The following ENTREP2 variants were observed in gnomAD, a reference collection of about 807,000 sequenced individuals.
The protein encoded by ENTREP2 is protein ENTREP2.
the ENTREP2 span, among the ~76,000 whole-genome samples, chr15:29,630,640 T>A: frequency 4.6e-5 from 7 of 152,264 alleles, no homozygotes; most frequent in East Asian, 1.4e-3. Flanking sequence ...GTCCTGCAGG[T>A]TATGAGACTT....
At chr15:29,269,325 G>A in the ENTREP2 span, 4 of 1,614,218 alleles carry the variant, frequency 2.5e-6, no homozygotes, top group South Asian at 4.4e-5. Flanking sequence ...CGGCCCGTTT[G>A]AAGAGGTCGG....
the ENTREP2 span, among the ~76,000 whole-genome samples, chr15:29,180,078 C>G: frequency 6.6e-6 from 1 of 151,980 alleles, no homozygotes; most frequent in Non-Finnish European, 1.5e-5. Context: ...AAGACGGAAA[C>G]CAAGAACAGG....
At chr15:29,457,142 CT>C in the ENTREP2 span, among the ~76,000 whole-genome samples, 1 of 152,184 alleles carries the variant, frequency 6.6e-6, no homozygotes, top group Non-Finnish European at 1.5e-5. Context: ...AGGAGCACGA[CT>C]TCCCAAAGGA....
At chr15:29,631,713 T>C in the ENTREP2 span, among the ~76,000 whole-genome samples, 1 of 152,230 alleles carries the variant, frequency 6.6e-6, no homozygotes, top group Non-Finnish European at 1.5e-5. Flanking sequence ...CTTCCCCATG[T>C]CTAGCTGGGG....
chr15:29,276,718 T>C, the ENTREP2 span, among the ~76,000 whole-genome samples: 1 of 152,216 alleles, frequency 6.6e-6, no homozygotes, highest in East Asian at 1.9e-4. Context: ...ATCAGACTCC[T>C]GGAGATAATG....
At chr15:29,490,089 C>G in the ENTREP2 span, among the ~76,000 whole-genome samples, 1 of 152,156 alleles carries the variant, frequency 6.6e-6, no homozygotes, top group Non-Finnish European at 1.5e-5. Flanking sequence ...GTAAACATTT[C>G]TGTATGTGCG....
chr15:29,584,751 C>A, the ENTREP2 span, among the ~76,000 whole-genome samples: 2,874 of 152,218 alleles, frequency 0.019, 34 homozygotes, highest in Non-Finnish European at 0.029. Context: ...GTACAGCATG[C>A]TGATTATTGT....
chr15:29,536,333 A>T, the ENTREP2 span, among the ~76,000 whole-genome samples: 1 of 152,204 alleles, frequency 6.6e-6, no homozygotes, highest in Non-Finnish European at 1.5e-5. Context: ...AGATACTCTT[A>T]CCAGCAGAGC....
At chr15:29,490,414 G>C in the ENTREP2 span, among the ~76,000 whole-genome samples, 1 of 152,194 alleles carries the variant, frequency 6.6e-6, no homozygotes, top group Non-Finnish European at 1.5e-5. Flanking sequence ...AACAGTTTGC[G>C]GCTGCTGGCT....
At chr15:29,627,270 C>T in the ENTREP2 span, among the ~76,000 whole-genome samples, 1,377 of 152,154 alleles carry the variant, frequency 9.1e-3, 24 homozygotes, top group African/African-American at 0.032. Flanking sequence ...TTAGGCCAGG[C>T]GTGGTGGCTC....
the ENTREP2 span, among the ~76,000 whole-genome samples, chr15:29,128,242 C>T: frequency 6.6e-6 from 1 of 152,208 alleles, no homozygotes; most frequent in South Asian, 2.1e-4. Context: ...GGCCCTTCTG[C>T]TTTCCTGGAG....
the ENTREP2 span, among the ~76,000 whole-genome samples, chr15:29,533,027 A>G: frequency 6.6e-6 from 1 of 152,174 alleles, no homozygotes; most frequent in Non-Finnish European, 1.5e-5. Flanking sequence ...CCATGTGCTC[A>G]GTGTGTGTTC....
At chr15:29,324,411 A>G in the ENTREP2 span, among the ~76,000 whole-genome samples, 1 of 152,150 alleles carries the variant, frequency 6.6e-6, no homozygotes, top group African/African-American at 2.4e-5. Flanking sequence ...CATCAATCCA[A>G]CTGTGCAATA....
chr15:29,412,095 C>T, the ENTREP2 span, among the ~76,000 whole-genome samples: 1 of 152,034 alleles, frequency 6.6e-6, no homozygotes, highest in Non-Finnish European at 1.5e-5. Context: ...TTAAGTCTTA[C>T]CCTCCCAACA....
chr15:29,357,032 A>T, the ENTREP2 span, among the ~76,000 whole-genome samples: 1 of 152,198 alleles, frequency 6.6e-6, no homozygotes, highest in African/African-American at 2.4e-5. Context: ...AGTGCCTAGA[A>T]ACAGACACAC....
At chr15:29,593,529 TCTC>T in the ENTREP2 span, among the ~76,000 whole-genome samples, 4 of 152,116 alleles carry the variant, frequency 2.6e-5, no homozygotes, top group Non-Finnish European at 4.4e-5. Flanking sequence ...CAGAAGCTGT[TCTC>T]CTCCAAAATA....
the ENTREP2 span, among the ~76,000 whole-genome samples, chr15:29,392,208 C>T: frequency 8.0e-4 from 122 of 152,114 alleles, no homozygotes; most frequent in African/African-American, 2.7e-3. Flanking sequence ...GTGATCCACC[C>T]GCCTCGGCCT....
At chr15:29,392,258 G>A in the ENTREP2 span, among the ~76,000 whole-genome samples, 4 of 152,032 alleles carry the variant, frequency 2.6e-5, no homozygotes, top group African/African-American at 7.2e-5. Context: ...CACTGTGCCC[G>A]GCCTGTAATA....
chr15:29,656,087 G>C, the ENTREP2 span, among the ~76,000 whole-genome samples: 2 of 140,776 alleles, frequency 1.4e-5, no homozygotes, highest in East Asian at 4.1e-4. Flanking sequence ...AGAGCAGAAA[G>C]AACAAAGCTC....
Sources: gnomAD v4.1 joint callset for allele counts (sites outside exome capture counted in the v4.1 genomes callset) on GRCh38, gnomAD v4.1.1 for gene constraint, MANE v1.5 for transcripts, NCBI Gene and HGNC (gene_info 2026-07-23, HGNC 2026-07-21) for gene names.